The following MAGI2 variants were observed in gnomAD, a reference collection of about 807,000 sequenced individuals.
The protein encoded by MAGI2 is membrane-associated guanylate kinase, WW and PDZ domain-containing protein 2.
Under a neutral mutation model 133.3 loss-of-function variants are expected in MAGI2, and 35 were observed. The observed-to-expected ratio is 0.26, with a 90% CI of 0.20 to 0.35. The LOEUF is 0.35. Among genes scored for constraint, MAGI2 ranks in the 10% least tolerant of loss-of-function variants. MAGI2 has a pLI of 1.00. For synonymous variants in MAGI2, 729 were observed against 710.6 expected (o/e 1.03, Z -0.41); for missense variants, 1,636 against 1,863.4 (o/e 0.88, Z 2.25).
intron 10 of MAGI2, among the ~76,000 whole-genome samples, chr7:78,241,671 G>A (rs1333177086): frequency 1.3e-5 from 2 of 152,118 alleles, no homozygotes; most frequent in Non-Finnish European, 2.9e-5. Context: ...AGTGGCTCAC[G>A]CCTGTAATCC....
intron 2 of MAGI2, among the ~76,000 whole-genome samples, chr7:78,672,792 A>T (rs1296295445): frequency 1.3e-5 from 2 of 152,152 alleles, no homozygotes. Context: ...AATTTTAACA[A>T]GCCCTTCAGG....
At chr7:79,245,449 G>A (rs565845033) in intron 1 of MAGI2, among the ~76,000 whole-genome samples, 42 of 152,204 alleles carry the variant, frequency 2.8e-4, no homozygotes, top group Admixed American at 8.5e-4. Context: ...AGAAGCTGAC[G>A]GAAGGGCCCT....
intron 1 of MAGI2, among the ~76,000 whole-genome samples, chr7:79,063,002 C>T (rs1813919931): frequency 6.6e-6 from 1 of 152,090 alleles, no homozygotes; most frequent in Non-Finnish European, 1.5e-5. Context: ...TTTCCTTATG[C>T]TGCTTGATAA....
intron 9 of MAGI2, among the ~76,000 whole-genome samples, chr7:78,312,082 C>A (rs570774290): frequency 6.6e-6 from 1 of 152,082 alleles, no homozygotes; most frequent in African/African-American, 2.4e-5. Context: ...AATTCTTAAT[C>A]TGTTAAAGGA....
At chr7:79,053,041 C>T (rs79404653) in intron 1 of MAGI2, among the ~76,000 whole-genome samples, 1 of 152,062 alleles carries the variant, frequency 6.6e-6, no homozygotes, top group Non-Finnish European at 1.5e-5. Context: ...GGTGCGATCT[C>T]GGCTCACTGC....
chr7:78,885,670 T>C (rs942372850), intron 2 of MAGI2, among the ~76,000 whole-genome samples: 63 of 147,574 alleles, frequency 4.3e-4, no homozygotes, highest in African/African-American at 1.5e-3. Flanking sequence ...ATATAAAATA[T>C]ATTTACACAT....
chr7:78,320,884 A>C (rs933526889), intron 9 of MAGI2, among the ~76,000 whole-genome samples: 1 of 152,178 alleles, frequency 6.6e-6, no homozygotes, highest in East Asian at 1.9e-4. Context: ...CCATGGTCTC[A>C]GCCCAAAATC....
At chr7:78,109,303 C>CAAAAAAAAAAAAAAAAAAAAAA (rs71085511) in intron 20 of MAGI2, among the ~76,000 whole-genome samples, 8 of 19,948 alleles carry the variant, frequency 4.0e-4, no homozygotes, top group African/African-American at 8.0e-4. Flanking sequence ...GACTCCGTCT[C>CAAAAAAAAAAAAAAAAAAAAAA]AAAAAAAAAA....
intron 7 of MAGI2, among the ~76,000 whole-genome samples, chr7:78,360,463 T>C (rs1206334259): frequency 6.6e-6 from 1 of 152,212 alleles, no homozygotes; most frequent in South Asian, 2.1e-4. Flanking sequence ...TTCCAAAGTA[T>C]GTAATGATAC....
chr7:78,579,228 A>C (rs1341643230), intron 3 of MAGI2, among the ~76,000 whole-genome samples: 2 of 152,226 alleles, frequency 1.3e-5, no homozygotes, highest in Non-Finnish European at 2.9e-5. Flanking sequence ...TGGGAGCACT[A>C]ATCTTAATCA....
At chr7:78,840,395 C>A (rs990494231) in intron 2 of MAGI2, among the ~76,000 whole-genome samples, 2 of 152,004 alleles carry the variant, frequency 1.3e-5, no homozygotes, top group African/African-American at 2.4e-5. Context: ...TCCTGGAATG[C>A]TTGTTAAAAC....
Position 78,577,127 on chromosome 7 carries a change from T to A in MAGI2, c.538+49993A>T, listed in dbSNP as rs1203143264. On this transcript the variant is annotated intron_variant, in intron 3 of 21. Coordinates refer to ENST00000354212, the MANE Select transcript of MAGI2 (RefSeq NM_012301.4). Reference sequence around the variant, plus strand: ...GATTCTAAAGAAAAAGGATATTTTTTGTGTAATTTATTTGCATTATTTTAT... The same window carrying A: ...GATTCTAAAGAAAAAGGATATTTTTAGTGTAATTTATTTGCATTATTTTAT... Among the ~76,000 whole-genome samples, 3 of 152,232 alleles carry A rather than the reference T, an allele frequency of 2.0e-5. No individual in the cohort carries two copies. The East Asian group carries it at 5.8e-4, about 29-fold the overall frequency.
At chr7:79,027,469 A>G (rs1171537027) in intron 1 of MAGI2, among the ~76,000 whole-genome samples, 1 of 152,150 alleles carries the variant, frequency 6.6e-6, no homozygotes, top group Non-Finnish European at 1.5e-5. Context: ...GACAAGTGCC[A>G]CATGTTTTCG....
At chr7:78,070,794 C>G (rs1275899264) in intron 21 of MAGI2, among the ~76,000 whole-genome samples, 2 of 151,908 alleles carry the variant, frequency 1.3e-5, no homozygotes, top group Non-Finnish European at 2.9e-5. Flanking sequence ...AGGCACATGC[C>G]ACCACACCCG....
At chr7:78,662,189 T>A (rs1312825050) in intron 2 of MAGI2, among the ~76,000 whole-genome samples, 1 of 152,198 alleles carries the variant, frequency 6.6e-6, no homozygotes, top group African/African-American at 2.4e-5. Context: ...GGGTGTAAAG[T>A]ACTTTATTTA....
intron 1 of MAGI2, among the ~76,000 whole-genome samples, chr7:79,379,169 T>A (rs1843609739): frequency 6.8e-6 from 1 of 147,832 alleles, no homozygotes; most frequent in Non-Finnish European, 1.5e-5. Context: ...TGTCCAAGTG[T>A]TCTCATTGTT....
chr7:78,548,203 GT>G (rs1367232100), intron 3 of MAGI2, among the ~76,000 whole-genome samples: 8 of 152,164 alleles, frequency 5.3e-5, no homozygotes, highest in African/African-American at 1.9e-4. Context: ...CATTTCTAAC[GT>G]TGGAAAGTTC....
intron 1 of MAGI2, among the ~76,000 whole-genome samples, chr7:79,233,740 CTT>C (rs1831601748): frequency 1.0e-5 from 1 of 95,764 alleles, no homozygotes; most frequent in South Asian, 5.3e-4. Flanking sequence ...GGTCTTGACT[CTT>C]TATCCAATTT....
chr7:79,271,301 C>T (rs904040596), intron 1 of MAGI2, among the ~76,000 whole-genome samples: 7 of 152,092 alleles, frequency 4.6e-5, no homozygotes, highest in Admixed American at 3.3e-4. Context: ...TGTCAGCTTC[C>T]GGAGTCTAGA....
Sources: gnomAD v4.1 joint callset for allele counts (sites outside exome capture counted in the v4.1 genomes callset) on GRCh38, gnomAD v4.1.1 for gene constraint, MANE v1.5 for transcripts, NCBI Gene and HGNC (gene_info 2026-07-23, HGNC 2026-07-21) for gene names.